The following TINAG variants were observed in gnomAD, a reference collection of about 807,000 sequenced individuals.
TINAG encodes tubulointerstitial nephritis antigen.
TINAG carries 83 observed loss-of-function variants against 72.7 expected under a neutral mutation model. The ratio of observed to expected loss-of-function variants is 1.14; its 90% CI spans 0.96 to 1.37. The LOEUF is 1.37. Among genes scored for constraint, TINAG ranks in the 40% most tolerant of loss-of-function variants. The pLI, the probability that TINAG is intolerant of heterozygous loss-of-function variation, is 0.00. For synonymous variants in TINAG, 234 were observed against 189.9 expected, an observed-to-expected ratio of 1.23 and a Z score of -1.91; for missense variants, 685 against 576.6, an observed-to-expected ratio of 1.19 and a Z score of -1.93.
At chr6:54,360,233 T>C (rs1016923319) in intron 9 of TINAG, among the ~76,000 whole-genome samples, 5 of 151,526 alleles carry the variant, frequency 3.3e-5, no homozygotes, top group African/African-American at 1.2e-4. Context: ...TAGCCTTATT[T>C]CCCCCCTCTC....
chr6:54,389,544 G>T (rs1764188410), intron 10 of TINAG, among the ~76,000 whole-genome samples: 1 of 152,120 alleles, frequency 6.6e-6, no homozygotes, highest in African/African-American at 2.4e-5. Context: ...AAACGCTCAG[G>T]CCTATGTTAC....
intron 9 of TINAG, among the ~76,000 whole-genome samples, chr6:54,372,751 TA>T (rs1429100772): frequency 4.1e-5 from 1 of 24,146 alleles, no homozygotes; most frequent in African/African-American, 1.1e-4. Flanking sequence ...TATATATATA[TA>T]TATATATATA....
chr6:54,341,076 G>A (rs965931029), intron 4 of TINAG, among the ~76,000 whole-genome samples: 1 of 152,056 alleles, frequency 6.6e-6, no homozygotes, highest in Non-Finnish European at 1.5e-5. Flanking sequence ...TTTCAGTAGA[G>A]TAGAAGGAAC....
At chr6:54,368,404 T>C (rs1186953514) in intron 9 of TINAG, among the ~76,000 whole-genome samples, 2 of 149,222 alleles carry the variant, frequency 1.3e-5, no homozygotes, top group Non-Finnish European at 3.0e-5. Context: ...TAAATTATTA[T>C]GTAATTATGT....
chr6:54,375,732 CA>C (rs1763759843), intron 9 of TINAG, among the ~76,000 whole-genome samples: 1 of 152,122 alleles, frequency 6.6e-6, no homozygotes, highest in Non-Finnish European at 1.5e-5. Context: ...AAAGAACAAA[CA>C]ACGTTACTTT....
chr6:54,369,125 G>A (rs1763527708), intron 9 of TINAG, among the ~76,000 whole-genome samples: 1 of 151,844 alleles, frequency 6.6e-6, no homozygotes, highest in East Asian at 1.9e-4. Flanking sequence ...TGTAATGTTT[G>A]TAAGAAAATT....
At chr6:54,370,621 T>C (rs2150974666) in intron 9 of TINAG, among the ~76,000 whole-genome samples, 1 of 152,182 alleles carries the variant, frequency 6.6e-6, no homozygotes, top group East Asian at 1.9e-4. Context: ...AAGTAAATTA[T>C]GACCCTTGGA....
At chr6:54,383,858 T>C (rs1283126379) in intron 10 of TINAG, among the ~76,000 whole-genome samples, 1 of 152,096 alleles carries the variant, frequency 6.6e-6, no homozygotes, top group Admixed American at 6.6e-5. Context: ...ACTGGGTATA[T>C]ACCCAAAAGA....
intron 5 of TINAG, among the ~76,000 whole-genome samples, chr6:54,344,171 G>A (rs1419538218): frequency 6.6e-6 from 1 of 152,136 alleles, no homozygotes; most frequent in Non-Finnish European, 1.5e-5. Flanking sequence ...AGCCATTGAA[G>A]GATTGTGAAC....
At chr6:54,353,539 AAATTCTT>A (rs1785318234) in intron 8 of TINAG, among the ~76,000 whole-genome samples, 1 of 151,888 alleles carries the variant, frequency 6.6e-6, no homozygotes, top group Non-Finnish European at 1.5e-5. Context: ...ACAGTTACAT[AAATTCTT>A]AAAATCCTCT....
At chr6:54,359,238 C>G (rs1227705283) in intron 9 of TINAG, among the ~76,000 whole-genome samples, 1 of 151,804 alleles carries the variant, frequency 6.6e-6, no homozygotes, top group Non-Finnish European at 1.5e-5. Context: ...AAATTCAGCT[C>G]TACCTAAGTT....
At chr6:54,327,194 G>C (rs910308193) in intron 4 of TINAG, 9 of 1,536,858 alleles carry the variant, frequency 5.9e-6, no homozygotes, top group Non-Finnish European at 7.9e-6. Flanking sequence ...CTGGTTGGCA[G>C]CTCCCAGCGA....
chr6:54,382,818 G>T (rs1057004530), intron 10 of TINAG, among the ~76,000 whole-genome samples: 1 of 152,078 alleles, frequency 6.6e-6, no homozygotes, highest in Non-Finnish European at 1.5e-5. Context: ...TTCTCCATTT[G>T]TTTACAGGAG....
chr6:54,376,973 C>T (rs1463336217), intron 9 of TINAG, among the ~76,000 whole-genome samples: 1 of 152,018 alleles, frequency 6.6e-6, no homozygotes, highest in Non-Finnish European at 1.5e-5. Context: ...GGTAGATGGG[C>T]TAAGAGCTGC....
At chr6:54,353,063 T>G (rs890060928) in intron 8 of TINAG, among the ~76,000 whole-genome samples, 6 of 151,792 alleles carry the variant, frequency 4.0e-5, no homozygotes, top group Admixed American at 3.9e-4. Context: ...AAAAGTAAAA[T>G]TGCATGATTG....
intron 10 of TINAG, among the ~76,000 whole-genome samples, chr6:54,383,282 A>G (rs1764004003): frequency 1.3e-5 from 2 of 152,284 alleles, no homozygotes; most frequent in Non-Finnish European, 2.9e-5. Flanking sequence ...ATTCAAGAGC[A>G]CTGAGAAATC....
chr6:54,385,650 C>T (rs1336323829), intron 10 of TINAG, among the ~76,000 whole-genome samples: 3 of 151,722 alleles, frequency 2.0e-5, no homozygotes, highest in Middle Eastern at 3.2e-3. Context: ...TTTTATGAAG[C>T]GGTAACACCA....
At chr6:54,369,696 TATC>T (rs1261231196) in intron 9 of TINAG, among the ~76,000 whole-genome samples, 9 of 152,070 alleles carry the variant, frequency 5.9e-5, no homozygotes, top group African/African-American at 2.2e-4. Flanking sequence ...CTATTTTAAA[TATC>T]ATCATTATAA....
chr6:54,338,742 AAGAC>A (rs1402315566), intron 4 of TINAG, among the ~76,000 whole-genome samples: 2 of 147,214 alleles, frequency 1.4e-5, no homozygotes, highest in African/African-American at 2.5e-5. Flanking sequence ...AAAAAAAAAA[AAGAC>A]TAGTTCATTG....
Sources: allele counts gnomAD v4.1 joint callset (sites outside exome capture counted in the v4.1 genomes callset), GRCh38; gene constraint gnomAD v4.1.1; transcripts MANE v1.5; gene names NCBI Gene and HGNC (gene_info 2026-07-23, HGNC 2026-07-21).